The following CD274 variants were observed in gnomAD, a reference collection of about 807,000 sequenced individuals.
CD274 encodes the protein programmed cell death 1 ligand 1.
In CD274, 8 loss-of-function variants were observed where a neutral mutation model predicts 30.1. The observed-to-expected ratio is 0.27, with a 90% CI of 0.16 to 0.48. The LOEUF (loss-of-function observed/expected upper bound fraction) is 0.48. Ranked by LOEUF, CD274 falls within the 20% of genes least tolerant of loss-of-function variation. The probability of loss-of-function intolerance (pLI) is 0.99; values close to 1 mark genes in which losing one functional copy is unlikely to be tolerated. For missense variants in CD274, 353 were observed against 346.6 expected, an observed-to-expected ratio of 1.02 and a Z score of -0.15; for synonymous variants, 152 against 124.6, an observed-to-expected ratio of 1.22 and a Z score of -1.46.
At chr9:5,458,305 G>C (rs1039142225) in intron 3 of CD274, among the ~76,000 whole-genome samples, 2 of 152,170 alleles carry the variant, frequency 1.3e-5, no homozygotes, top group Non-Finnish European at 2.9e-5. Flanking sequence ...AAATCCCCCA[G>C]AGGATCTTCT....
intron 1 of CD274, 94 bp downstream of exon 1, chr9:5,450,690 T>C (rs1819185890): frequency 6.6e-6 from 1 of 152,256 alleles, no homozygotes; most frequent in African/African-American, 2.4e-5. Context: ...ACACCCTTTC[T>C]TTGGGATGGA....
In CD274 at chr9:5,462,925, G is replaced by C. The variant is rs2131223399; in HGVS notation, c.486G>C (p.Lys162Asn). ...ELTCQAEGYP[K>N]AEVIWTSSDH... ...CATGTCAGGCTGAGGGCTACCCCAA[G>C]GCCGAAGTCATCTGGACAAGCAGTG... The change falls in exon 4 of 7, where the codon AAG becomes AAC. Residue 162 changes from lysine (K) to asparagine (N), a missense_variant. Coordinates refer to ENST00000381577, the MANE Select transcript of CD274 (RefSeq NM_014143.4). The C allele has an allele frequency of 6.2e-7, 1 of 1,614,046 alleles. No homozygotes were observed. Among genetic ancestry groups the C allele is most frequent in the Non-Finnish European group, 8.5e-7 (1 of 1,179,952 alleles).
intron 3 of CD274, among the ~76,000 whole-genome samples, chr9:5,461,233 C>G (rs1447811989): frequency 6.6e-6 from 1 of 152,106 alleles, no homozygotes; most frequent in Non-Finnish European, 1.5e-5. Context: ...GTCACTTCTG[C>G]TGTTTCCTCT....
At chr9:5,455,086 T>C (rs1023288007) in intron 1 of CD274, among the ~76,000 whole-genome samples, 3 of 152,196 alleles carry the variant, frequency 2.0e-5, no homozygotes, top group African/African-American at 7.2e-5. Flanking sequence ...TAGTTGATCA[T>C]TTGTGAGTTC....
At chr9:5,454,531 A>G (rs1295453561) in intron 1 of CD274, among the ~76,000 whole-genome samples, 1 of 152,102 alleles carries the variant, frequency 6.6e-6, no homozygotes, top group Non-Finnish European at 1.5e-5. Context: ...ATGGTATTAT[A>G]TTTTGTGAAT....
At chr9:5,460,124 A>C (rs752333849) in intron 3 of CD274, among the ~76,000 whole-genome samples, 3 of 152,184 alleles carry the variant, frequency 2.0e-5, no homozygotes, top group Non-Finnish European at 2.9e-5. Context: ...GCACACAAAA[A>C]AATATTTGTT....
At chr9:5,460,143 G>A (rs1819379067) in intron 3 of CD274, among the ~76,000 whole-genome samples, 2 of 152,106 alleles carry the variant, frequency 1.3e-5, no homozygotes, top group African/African-American at 2.4e-5. Context: ...TTGAGTCAAT[G>A]AATGAATGAT....
Position 5,468,215 on chromosome 9 carries a change from T to A in CD274, c.*353T>A, listed in dbSNP as rs1467698038. ...GAGAATCCCTAATTTGAGGGTCAGT[T>A]CCTGCAGAAGTGCCCTTTGCCTCCA... On this transcript the variant is annotated 3_prime_UTR_variant, in exon 7 of 7. Coordinates refer to ENST00000381577, the MANE Select transcript of CD274 (RefSeq NM_014143.4). The A allele has an allele frequency of 6.0e-6, 2 of 331,762 alleles. No individual in the cohort carries two copies. The highest frequency in any genetic ancestry group is 1.1e-5 in the Non-Finnish European group (2 of 180,492). 20.6% of individuals were successfully genotyped at this position (331,762 alleles called of 1,614,324 possible). A position where few individuals can be genotyped will look rare whatever the true frequency, so the allele number is the denominator to read the frequency against.
In CD274 at chr9:5,470,431, T is replaced by C. The variant is rs1160490787; in HGVS notation, c.*2569T>C. The C allele has an allele frequency of 4.4e-6, 1 of 229,220 alleles. No individual in the cohort carries two copies. Among genetic ancestry groups the C allele is most frequent in the African/African-American group, 2.2e-5 (1 of 45,132 alleles). The allele number at this position is 229,220 out of a possible 1,614,324, so 14.2% of individuals were successfully genotyped here. On this transcript the variant is annotated 3_prime_UTR_variant, in exon 7 of 7. Transcript: ENST00000381577. Reference sequence around the variant, plus strand: ...AGATGATACCTAATTCTGCATTTGATTGTCACTTTTTGTACCTGCATTAAT... The same window carrying C: ...AGATGATACCTAATTCTGCATTTGACTGTCACTTTTTGTACCTGCATTAAT...
At position 5,469,210 on chromosome 9, in the gene CD274, T is replaced by C. The variant is rs1221398458; in HGVS notation, c.*1348T>C. 1.7e-5 allele frequency: 4 copies of C among 232,930 alleles called. No individual in the cohort carries two copies. The highest frequency in any genetic ancestry group is 2.5e-5 in the Non-Finnish European group (3 of 117,906). 14.4% of individuals were successfully genotyped at this position (232,930 alleles called of 1,614,324 possible). ...AATTCCTTTTCTAGCATTATATTTA[T>C]TCCTGATTTGCCTTTGCCATATAAT... On this transcript the variant is annotated 3_prime_UTR_variant, in exon 7 of 7. Transcript: ENST00000381577.
rs761920428 is a variant in CD274 at position 5,462,917 on chromosome 9, T to G, written c.478T>G (p.Tyr160Asp). Residue 160 changes from tyrosine to aspartate, a missense_variant, in exon 4 of 7, where the codon TAC becomes GAC. Tyr to Asp is a radical substitution (Grantham distance 160). Transcript: ENST00000381577. ...TGAACTGACATGTCAGGCTGAGGGCTACCCCAAGGCCGAAGTCATCTGGAC... is the reference window on the plus strand; with the variant it reads ...TGAACTGACATGTCAGGCTGAGGGCGACCCCAAGGCCGAAGTCATCTGGAC... ...EHELTCQAEG[Y>D]PKAEVIWTSS... The G allele has an allele frequency of 6.2e-7, 1 of 1,614,076 alleles. No individual in the cohort carries two copies. Among genetic ancestry groups the G allele is most frequent in the South Asian group, 1.1e-5 (1 of 91,088 alleles).
rs2131230913 is a variant in CD274, at chr9:5,465,807, G to A, written c.790+201G>A. On this transcript the variant is annotated intron_variant, in intron 5 of 6. Coordinates refer to ENST00000381577, the MANE Select transcript of CD274 (RefSeq NM_014143.4). ...GGGTGAGGGGCAGGAGAATGGGTATGGATGGAGGTAGAAGATGCAGTGTCA... is the reference window on the plus strand; with the variant it reads ...GGGTGAGGGGCAGGAGAATGGGTATAGATGGAGGTAGAAGATGCAGTGTCA... 3 of 429,206 alleles carry A rather than the reference G, an allele frequency of 7.0e-6. No homozygotes were observed. The East Asian group carries it at 1.1e-4, about 16-fold the overall frequency. 26.6% of individuals were successfully genotyped at this position (429,206 alleles called of 1,614,324 possible). A position where few individuals can be genotyped will look rare whatever the true frequency, so the allele number is the denominator to read the frequency against.
Position 5,457,285 on chromosome 9 carries a change from C to G in CD274, c.259C>G (p.Leu87Val), listed in dbSNP as rs2131212241. 1 of 1,614,014 alleles carries G rather than the reference C, an allele frequency of 6.2e-7. No homozygotes were observed. Among genetic ancestry groups the G allele is most frequent in the Non-Finnish European group, 8.5e-7 (1 of 1,179,948 alleles). The change falls in exon 3 of 7, where the codon CTG (leucine) becomes GTG (valine). Residue 87 changes from leucine to valine, a missense_variant. By Grantham distance (32) the Leu-to-Val change is conservative (BLOSUM62 1). Coordinates refer to ENST00000381577, the MANE Select transcript of CD274 (RefSeq NM_014143.4). Reference sequence around the variant, plus strand: ...TAGTAGCTACAGACAGAGGGCCCGGCTGTTGAAGGACCAGCTCTCCCTGGG... The same window carrying G: ...TAGTAGCTACAGACAGAGGGCCCGGGTGTTGAAGGACCAGCTCTCCCTGGG... Reference protein sequence around the residue: ...QHSSYRQRARLLKDQLSLGNA... With the variant: ...QHSSYRQRARVLKDQLSLGNA...
Position 5,468,166 on chromosome 9 carries a change from T to C in CD274, c.*304T>C. 1 of 425,250 alleles carries C rather than the reference T, an allele frequency of 2.4e-6. No homozygotes were observed. The highest frequency in any genetic ancestry group is 4.2e-6 in the Non-Finnish European group (1 of 236,742). 26.3% of individuals were successfully genotyped at this position (425,250 alleles called of 1,614,324 possible). On this transcript the variant is annotated 3_prime_UTR_variant, in exon 7 of 7. Coordinates refer to ENST00000381577, the MANE Select transcript of CD274 (RefSeq NM_014143.4). ...AAGGAGCCTCCAAGCAAATCATCCA[T>C]TGCTCATCCTAGGAAGACGGGTTGA...
At chr9:5,464,317 AT>A (rs1013605841) in intron 4 of CD274, among the ~76,000 whole-genome samples, 255 of 151,750 alleles carry the variant, frequency 1.7e-3, no homozygotes, top group African/African-American at 5.9e-3. Flanking sequence ...TAAATTGGGG[AT>A]TTTTTTTTAA....
intron 4 of CD274, 65 bp from the exon 5 acceptor site, chr9:5,465,434 C>A (rs1819480584): frequency 2.2e-6 from 2 of 921,002 alleles, no homozygotes; most frequent in East Asian, 2.4e-5. Context: ...TGACCATTCT[C>A]CTGACCCCTT....
At chr9:5,451,721 C>T (rs528905046) in intron 1 of CD274, among the ~76,000 whole-genome samples, 5 of 152,140 alleles carry the variant, frequency 3.3e-5, no homozygotes, top group Admixed American at 6.5e-5. Flanking sequence ...GGAAAATGTA[C>T]AAGAGTGTCT....
At chr9:5,451,742 GAGA>G (rs1284746175) in intron 1 of CD274, among the ~76,000 whole-genome samples, 3 of 152,230 alleles carry the variant, frequency 2.0e-5, no homozygotes, top group East Asian at 3.9e-4. Context: ...CAGTGTGACT[GAGA>G]AGGAGGTTGG....
intron 3 of CD274, among the ~76,000 whole-genome samples, chr9:5,458,312 T>C (rs1819343687): frequency 6.6e-6 from 1 of 152,196 alleles, no homozygotes; most frequent in Non-Finnish European, 1.5e-5. Context: ...CCAGAGGATC[T>C]TCTGTTCTTA....
Sources: allele counts gnomAD v4.1 joint callset (sites outside exome capture counted in the v4.1 genomes callset), GRCh38; gene constraint gnomAD v4.1.1; transcripts MANE v1.5; gene names NCBI Gene and HGNC (gene_info 2026-07-23, HGNC 2026-07-21).